The following HECW1 variants were observed in gnomAD, a reference collection of about 807,000 sequenced individuals.
HECW1 encodes the protein HECT, C2 and WW domain containing E3 ubiquitin protein ligase 1.
Under a neutral mutation model 182.3 loss-of-function variants are expected in HECW1, and 61 were observed. The observed-to-expected ratio is 0.33, with a 90% CI of 0.27 to 0.41. The LOEUF (loss-of-function observed/expected upper bound fraction) is 0.41. HECW1 is among the 10% of genes least tolerant of loss of function. HECW1 has a pLI of 1.00. For missense variants in HECW1, 1,739 were observed against 2,108.9 expected (o/e 0.82, Z 3.44); for synonymous variants, 859 against 832.6 (o/e 1.03, Z -0.55).
At chr7:43,494,979 A>C (rs118088005) in intron 19 of HECW1, among the ~76,000 whole-genome samples, 2,029 of 152,258 alleles carry the variant, frequency 0.013, 22 homozygotes, top group Non-Finnish European at 0.019. Flanking sequence ...TATTAAGGAC[A>C]TCTCATCCCG....
chr7:43,563,243 T>C lies in HECW1; in HGVS notation c.*1317T>C. The stretch of plus-strand genomic sequence containing the variant: ...TTTCTTTTAGCATTCAGTGAAAACA[T>C]ATCTCAGAAAACTTCATGTTGTCAG... On this transcript the variant is annotated 3_prime_UTR_variant, in exon 30 of 30. Transcript: ENST00000395891. 1 of 208,404 alleles carries C rather than the reference T, an allele frequency of 4.8e-6. No individual in the cohort carries two copies. Among genetic ancestry groups the C allele is most frequent in the Non-Finnish European group, 9.8e-6 (1 of 102,102 alleles). 12.9% of individuals were successfully genotyped at this position (208,404 alleles called of 1,614,324 possible). A position where few individuals can be genotyped will look rare whatever the true frequency, so the allele number is the denominator to read the frequency against.
chr7:43,351,678 CTTTTTTTT>C (rs200929407), intron 5 of HECW1, among the ~76,000 whole-genome samples: 1 of 120,574 alleles, frequency 8.3e-6, no homozygotes, highest in South Asian at 2.7e-4. Context: ...TTTCTTTCTT[CTTTTTTTT>C]TTTTTTTTTT....
At chr7:43,520,061 G>A in intron 24 of HECW1, among the ~76,000 whole-genome samples, 1 of 152,078 alleles carries the variant, frequency 6.6e-6, no homozygotes, top group East Asian at 1.9e-4. Context: ...GATGCCATTT[G>A]GTAAAAATGT....
chr7:43,383,547 T>C (rs567325474), intron 6 of HECW1, among the ~76,000 whole-genome samples: 28 of 152,372 alleles, frequency 1.8e-4, no homozygotes, highest in Middle Eastern at 6.8e-3. Context: ...TGATGAGCTT[T>C]TTTACATATG....
At chr7:43,196,375 A>C (rs1168089901) in intron 2 of HECW1, among the ~76,000 whole-genome samples, 3 of 152,224 alleles carry the variant, frequency 2.0e-5, no homozygotes, top group African/African-American at 7.2e-5. Flanking sequence ...ATCTGAACCC[A>C]AATAGGTCTT....
chr7:43,155,146 C>A (rs1350684556), intron 2 of HECW1, among the ~76,000 whole-genome samples: 1 of 152,178 alleles, frequency 6.6e-6, no homozygotes, highest in Non-Finnish European at 1.5e-5. Context: ...TTCAAAATAA[C>A]AAACTTTGTG....
chr7:43,457,426 A>G (rs923379663), intron 13 of HECW1, among the ~76,000 whole-genome samples: 4 of 152,216 alleles, frequency 2.6e-5, no homozygotes, highest in African/African-American at 7.2e-5. Context: ...TGCCTTTGAG[A>G]CTTAACTGTT....
At chr7:43,201,704 A>G (rs1795029360) in intron 2 of HECW1, among the ~76,000 whole-genome samples, 1 of 152,230 alleles carries the variant, frequency 6.6e-6, no homozygotes, top group Non-Finnish European at 1.5e-5. Flanking sequence ...AGACTAGGGA[A>G]TCTTGGTCAG....
intron 26 of HECW1, among the ~76,000 whole-genome samples, chr7:43,546,647 G>A (rs1359208610): frequency 6.6e-6 from 1 of 151,852 alleles, no homozygotes; most frequent in Non-Finnish European, 1.5e-5. Flanking sequence ...ACTTTAAAAG[G>A]TAGTCCCTTT....
intron 5 of HECW1, among the ~76,000 whole-genome samples, chr7:43,355,934 A>G (rs1429868871): frequency 6.6e-6 from 1 of 152,226 alleles, no homozygotes; most frequent in Non-Finnish European, 1.5e-5. Flanking sequence ...GGTTGCAGTG[A>G]GCCAAGATTG....
chr7:43,246,709 G>GAAA (rs757666194), intron 3 of HECW1, among the ~76,000 whole-genome samples: 6 of 152,330 alleles, frequency 3.9e-5, no homozygotes, highest in Middle Eastern at 3.4e-3. Context: ...CCTCTGTGGA[G>GAAA]AAAAAACAAA....
At chr7:43,273,433 A>T (rs932088115) in intron 3 of HECW1, among the ~76,000 whole-genome samples, 1 of 152,212 alleles carries the variant, frequency 6.6e-6, no homozygotes, top group East Asian at 1.9e-4. Flanking sequence ...CCCTAATATA[A>T]ATTTCGTAAA....
At position 43,346,965 on chromosome 7, in the gene HECW1, G is replaced by T. The variant is rs542350310; in HGVS notation, c.461-13921G>T. ...TGTTCTTTTTGCTTAATCTTGCATT[G>T]GCTATGTGGGCTCTTTTCTGGTTCC... On this transcript the variant is annotated intron_variant, in intron 5 of 29. Transcript: ENST00000395891. Among the ~76,000 whole-genome samples, 4 of 152,100 alleles carry T rather than the reference G, an allele frequency of 2.6e-5. No homozygotes were observed. The South Asian group carries it at 8.3e-4, about 32-fold the overall frequency.
chr7:43,332,564 A>G (rs1372245148), intron 5 of HECW1, among the ~76,000 whole-genome samples: 1 of 152,204 alleles, frequency 6.6e-6, no homozygotes, highest in East Asian at 1.9e-4. Flanking sequence ...TGGGTGAGGC[A>G]GTGTCTGAAG....
intron 2 of HECW1, among the ~76,000 whole-genome samples, chr7:43,132,969 G>T (rs1402473058): frequency 6.6e-6 from 1 of 152,068 alleles, no homozygotes; most frequent in African/African-American, 2.4e-5. Flanking sequence ...ATTTGTTTCA[G>T]TTTTTTAATA....
At chr7:43,498,419 A>G (rs2079197891) in intron 19 of HECW1, among the ~76,000 whole-genome samples, 1 of 152,202 alleles carries the variant, frequency 6.6e-6, no homozygotes, top group Non-Finnish European at 1.5e-5. Flanking sequence ...AGGGTACATT[A>G]TCATTGGGAG....
At chr7:43,530,364 C>T (rs1315309313) in intron 24 of HECW1, among the ~76,000 whole-genome samples, 1 of 151,864 alleles carries the variant, frequency 6.6e-6, no homozygotes, top group African/African-American at 2.4e-5. Flanking sequence ...TTTATTATAT[C>T]TTTATTATAA....
intron 2 of HECW1, among the ~76,000 whole-genome samples, chr7:43,237,516 G>A (rs1329149429): frequency 6.6e-6 from 1 of 152,146 alleles, no homozygotes; most frequent in Non-Finnish European, 1.5e-5. Context: ...ATGACATTGG[G>A]CATATTACAG....
chr7:43,527,789 A>G (rs2152944190), intron 24 of HECW1, among the ~76,000 whole-genome samples: 1 of 152,352 alleles, frequency 6.6e-6, no homozygotes, highest in African/African-American at 2.4e-5. Context: ...AGATTTTGAT[A>G]GAAAATTCAC....
Sources: gnomAD v4.1 joint callset for allele counts (sites outside exome capture counted in the v4.1 genomes callset) on GRCh38, gnomAD v4.1.1 for gene constraint, MANE v1.5 for transcripts, NCBI Gene and HGNC (gene_info 2026-07-23, HGNC 2026-07-21) for gene names.